Variants in SEMA3D observed in about 807,000 individuals in gnomAD.
SEMA3D encodes the protein semaphorin 3D, also known as semaphorin-3D.
In SEMA3D, 84 loss-of-function variants were observed where a neutral mutation model predicts 100.1. The observed-to-expected ratio is 0.84, with a 90% CI of 0.70 to 1.01. The LOEUF is 1.01. SEMA3D is among the 50% of genes least tolerant of loss of function. The pLI, the probability that SEMA3D is intolerant of heterozygous loss-of-function variation, is 0.00. For synonymous variants in SEMA3D, 312 were observed against 320.7 expected, an observed-to-expected ratio of 0.97 and a Z score of 0.29; for missense variants, 875 against 934.1, an observed-to-expected ratio of 0.94 and a Z score of 0.82.
chr7:85,197,321 A>G, the SEMA3D span, among the ~76,000 whole-genome samples: 1 of 152,168 alleles, frequency 6.6e-6, no homozygotes, highest in African/African-American at 2.4e-5. Flanking sequence ...CAGCCACTAT[A>G]AGACTTCAAA....
At chr7:85,007,312 G>C (rs1463915653) in intron 17 of SEMA3D, among the ~76,000 whole-genome samples, 1 of 151,574 alleles carries the variant, frequency 6.6e-6, no homozygotes, top group Non-Finnish European at 1.5e-5. Flanking sequence ...CAATTTTGTA[G>C]ATAGTTCTGG....
chr7:85,136,447 GATTT>G (rs1408512195), intron 2 of SEMA3D, among the ~76,000 whole-genome samples: 2 of 152,010 alleles, frequency 1.3e-5, no homozygotes, highest in Non-Finnish European at 2.9e-5. Context: ...TATTGCATTT[GATTT>G]ATTTAAAGCA....
chr7:85,230,185 T>G, the SEMA3D span, among the ~76,000 whole-genome samples: 1 of 145,686 alleles, frequency 6.9e-6, no homozygotes, highest in African/African-American at 2.8e-5. Context: ...TTTGCTACCA[T>G]GACATTTCTC....
intron 3 of SEMA3D, among the ~76,000 whole-genome samples, chr7:85,103,280 A>T (rs1286822106): frequency 1.3e-5 from 2 of 152,048 alleles, no homozygotes; most frequent in East Asian, 1.9e-4. Context: ...ATAAATCAGA[A>T]ATGGATGCTG....
At chr7:85,012,870 T>C in intron 16 of SEMA3D, 24 bp from the exon 17 acceptor site, 2 of 1,591,030 alleles carry the variant, frequency 1.3e-6, no homozygotes, top group Middle Eastern at 1.7e-4. Flanking sequence ...ATTAAACTTA[T>C]TAGAACTTCA....
chr7:85,006,662 C>T (rs1435376430), intron 18 of SEMA3D, 140 bp downstream of exon 18: 4 of 565,900 alleles, frequency 7.1e-6, no homozygotes, highest in African/African-American at 3.9e-5. Flanking sequence ...GCTATTGTTA[C>T]CTTTGGTGTT....
Position 85,073,079 on chromosome 7 carries a change from T to C in SEMA3D, c.378A>G (p.Thr126=), listed in dbSNP as rs1791821114. 1.2e-6 allele frequency: 2 copies of C among 1,612,096 alleles called. No homozygotes were observed. Among genetic ancestry groups the C allele is most frequent in the Non-Finnish European group, 1.7e-6 (2 of 1,179,482 alleles). ...GTACTCTGATGAAATTTGCACATTC[T>C]GTCTGTTGGGCACAAAAATTAAAAG... is the stretch of plus-strand genomic sequence containing the variant. ...LCKLAGKDAN[T]ECANFIRVLQ... is the part of the protein sequence containing the mutation. Residue 126 remains threonine (T), a splice_region_variant and synonymous_variant, in exon 6 of 19, where the codon ACA becomes ACG. Coordinates refer to ENST00000284136, the MANE Select transcript of SEMA3D (RefSeq NM_001384900.1).
chr7:85,054,936 T>A (rs915186868), intron 9 of SEMA3D, among the ~76,000 whole-genome samples: 2 of 152,158 alleles, frequency 1.3e-5, no homozygotes, highest in Admixed American at 1.3e-4. Context: ...TTCAGTCAAA[T>A]GAGAGCTTTG....
At chr7:85,085,235 T>C (rs1420649145) in intron 4 of SEMA3D, among the ~76,000 whole-genome samples, 3 of 152,156 alleles carry the variant, frequency 2.0e-5, no homozygotes, top group South Asian at 2.1e-4. Flanking sequence ...ATACAAATAA[T>C]AATGTAGGAA....
intron 3 of SEMA3D, among the ~76,000 whole-genome samples, chr7:85,110,487 A>T (rs1338527316): frequency 6.6e-6 from 1 of 151,990 alleles, no homozygotes; most frequent in African/African-American, 2.4e-5. Context: ...AGCCTGTATC[A>T]TATCATACTT....
At chr7:85,100,818 T>G (rs1388997134) in intron 3 of SEMA3D, among the ~76,000 whole-genome samples, 1 of 151,892 alleles carries the variant, frequency 6.6e-6, no homozygotes, top group Non-Finnish European at 1.5e-5. Context: ...TTATCTTAGT[T>G]TTTTACAAAG....
In SEMA3D at chr7:85,065,495, G is replaced by A. The variant is rs1203836131; in HGVS notation, c.647C>T (p.Thr216Ile). Residue 216 changes from threonine (T) to isoleucine (I), a missense_variant, in exon 8 of 19, where the codon ACT becomes ATT. By Grantham distance (89) the Thr-to-Ile change is moderately conservative. Transcript: ENST00000284136. ...SDFLGKDTAF[T>I]RSLGPTHDHH... ...GTCATGAGTAGGCCCAAGGGATCGA[G>A]TGAATGCAGTATCTTTGCCAAGGAA... 1 of 1,612,712 alleles carries A rather than the reference G, an allele frequency of 6.2e-7. No individual in the cohort carries two copies.
At chr7:85,215,482 C>T in the SEMA3D span, among the ~76,000 whole-genome samples, 1 of 152,046 alleles carries the variant, frequency 6.6e-6, no homozygotes, top group African/African-American at 2.4e-5. Context: ...GTTCTATGCC[C>T]TCCCCAAAAC....
intron 1 of SEMA3D, among the ~76,000 whole-genome samples, chr7:85,168,456 C>G (rs1460904678): frequency 6.6e-6 from 1 of 151,650 alleles, no homozygotes; most frequent in African/African-American, 2.4e-5. Context: ...AGGCTTCTTT[C>G]TAAATTAGTT....
intron 8 of SEMA3D, among the ~76,000 whole-genome samples, chr7:85,056,606 TAAC>T (rs1364871486): frequency 6.7e-6 from 1 of 149,750 alleles, no homozygotes; most frequent in Non-Finnish European, 1.5e-5. Context: ...AGCATTTATA[TAAC>T]ATTTTATATA....
intron 4 of SEMA3D, 72 bp from the exon 5 acceptor site, chr7:85,081,651 AGAGT>A (rs1389634349): frequency 1.0e-6 from 1 of 977,172 alleles, no homozygotes; most frequent in East Asian, 2.4e-5. Flanking sequence ...TTCTGCTCAG[AGAGT>A]GAATGTGTGA....
At position 85,043,244 on chromosome 7, in the gene SEMA3D, C is replaced by T. The variant is rs559534183; in HGVS notation, c.862-959G>A. Among the ~76,000 whole-genome samples, 9 of 151,938 alleles carry T rather than the reference C, an allele frequency of 5.9e-5. No homozygotes were observed. The South Asian group carries it at 6.2e-4, about 11-fold the overall frequency. On this transcript the variant is annotated intron_variant, in intron 9 of 18. Transcript: ENST00000284136. ...TGTGGTGGGGTGTCCCTGTAATCCCCGCTATTCAGGAGGCTGAAGGAGGAA... is the reference window on the plus strand; with the variant it reads ...TGTGGTGGGGTGTCCCTGTAATCCCTGCTATTCAGGAGGCTGAAGGAGGAA...
At chr7:85,007,479 C>G (rs894652829) in intron 17 of SEMA3D, among the ~76,000 whole-genome samples, 4 of 151,888 alleles carry the variant, frequency 2.6e-5, no homozygotes, top group African/African-American at 9.6e-5. Context: ...TGCACTAATA[C>G]TCAATATCTG....
chr7:85,012,730 A>T, intron 17 of SEMA3D, 52 bp downstream of exon 17: 2 of 1,318,240 alleles, frequency 1.5e-6, no homozygotes, highest in Non-Finnish European at 1.1e-6. Flanking sequence ...AGATACAAAG[A>T]GTGGGCTTAG....
Sources: gnomAD v4.1 joint callset for allele counts (sites outside exome capture counted in the v4.1 genomes callset) on GRCh38, gnomAD v4.1.1 for gene constraint, MANE v1.5 for transcripts, NCBI Gene and HGNC (gene_info 2026-07-23, HGNC 2026-07-21) for gene names.